TMEM260: variants seen among roughly 807,000 people sequenced by gnomAD.
TMEM260 encodes protein O-mannosyl-transferase TMEM260.
TMEM260 carries 82 observed loss-of-function variants against 88.9 expected under a neutral mutation model. The observed-to-expected ratio is 0.92, with a 90% CI of 0.77 to 1.11. The LOEUF (loss-of-function observed/expected upper bound fraction) is 1.11, where lower values mean the gene tolerates loss of function less well. Among genes scored for constraint, TMEM260 ranks in the 50% least tolerant of loss-of-function variants. The pLI is 0.00. For synonymous variants in TMEM260, 314 were observed against 309.3 expected (o/e 1.02, Z -0.16); for missense variants, 902 against 853.4 (o/e 1.06, Z -0.71).
At chr14:56,588,218 G>A (rs1161402071) in intron 3 of TMEM260, among the ~76,000 whole-genome samples, 1 of 152,024 alleles carries the variant, frequency 6.6e-6, no homozygotes, top group Non-Finnish European at 1.5e-5. Context: ...TCACTTAAGA[G>A]ACCATTACTG....
downstream of TMEM260, among the ~76,000 whole-genome samples, chr14:56,651,369 T>G (rs1890203868): frequency 6.6e-6 from 1 of 151,984 alleles, no homozygotes; most frequent in Non-Finnish European, 1.5e-5. Context: ...GTAACATACA[T>G]TTGATGGAAA....
intron 15 of TMEM260, among the ~76,000 whole-genome samples, chr14:56,641,934 A>G (rs1214021104): frequency 6.6e-6 from 1 of 152,218 alleles, no homozygotes; most frequent in African/African-American, 2.4e-5. Flanking sequence ...CATAATAGTA[A>G]AGGGATCAAT....
rs926342222 is a variant in TMEM260, at chr14:56,648,223, T to G, written c.*726T>G. 2.6e-5 allele frequency: 4 copies of G among 152,024 alleles called. No homozygotes were observed. Among genetic ancestry groups the G allele is most frequent in the Non-Finnish European group, 5.9e-5 (4 of 68,002 alleles). The allele number at this position is 152,024 out of a possible 1,614,324, so 9.4% of individuals were successfully genotyped here. A position where few individuals can be genotyped will look rare whatever the true frequency, so the allele number is the denominator to read the frequency against. Reference sequence around the variant, plus strand: ...TCAGAGATCTAGACCCAATAATTAGTAGGCTCCTGCTGCCAAAATGCAAAG... The same window carrying G: ...TCAGAGATCTAGACCCAATAATTAGGAGGCTCCTGCTGCCAAAATGCAAAG... On this transcript the variant is annotated 3_prime_UTR_variant, in exon 16 of 16. Coordinates refer to ENST00000261556, the MANE Select transcript of TMEM260 (RefSeq NM_017799.4).
intron 15 of TMEM260, 60 bp from the exon 16 acceptor site, chr14:56,647,183 T>C: frequency 2.0e-6 from 3 of 1,530,744 alleles, no homozygotes; most frequent in Non-Finnish European, 2.6e-6. Context: ...TTTTTTTGTT[T>C]TTGAAAAAAA....
At position 56,616,018 on chromosome 14, in the gene TMEM260, T is replaced by C. The variant is rs1887574402; in HGVS notation, c.932T>C (p.Leu311Ser). ...CTTGCAGTTTGTGCAAATATATGTTTAGCAACAAAGTAAGTAATACAATTC... is the reference window on the plus strand; with the variant it reads ...CTTGCAGTTTGTGCAAATATATGTTCAGCAACAAAGTAAGTAATACAATTC... ...QALAVCANIC[L>S]ATKDRQNPSL... Residue 311 changes from leucine (L) to serine (S), a missense_variant, in exon 8 of 16, where the codon TTA becomes TCA. Transcript: ENST00000261556. 5 of 1,608,982 alleles carry C rather than the reference T, an allele frequency of 3.1e-6. No individual in the cohort carries two copies. The highest frequency in any genetic ancestry group is 4.3e-6 in the Non-Finnish European group (5 of 1,175,638).
At chr14:56,626,626 T>C (rs1210179307) in intron 12 of TMEM260, among the ~76,000 whole-genome samples, 1 of 152,208 alleles carries the variant, frequency 6.6e-6, no homozygotes, top group Non-Finnish European at 1.5e-5. Flanking sequence ...AGGTGTTTAC[T>C]GAATAGATAG....
intron 10 of TMEM260, among the ~76,000 whole-genome samples, chr14:56,620,724 C>T (rs755338987): frequency 6.6e-6 from 1 of 152,108 alleles, no homozygotes; most frequent in African/African-American, 2.4e-5. Context: ...TTTTGTGATA[C>T]CCCAGATATT....
At chr14:56,659,157 A>G in the TMEM260 span, among the ~76,000 whole-genome samples, 1 of 152,140 alleles carries the variant, frequency 6.6e-6, no homozygotes, top group South Asian at 2.1e-4. Context: ...AGGTGAGTGA[A>G]GTTGGATGAA....
chr14:56,583,257 A>G (rs768932892), intron 1 of TMEM260, among the ~76,000 whole-genome samples: 2 of 152,324 alleles, frequency 1.3e-5, no homozygotes, highest in South Asian at 4.1e-4. Context: ...TTGTGAGACC[A>G]TAAACTATTT....
At chr14:56,628,836 GAT>G (rs755892211) in intron 12 of TMEM260, among the ~76,000 whole-genome samples, 72 of 150,990 alleles carry the variant, frequency 4.8e-4, no homozygotes, top group Non-Finnish European at 7.4e-4. Flanking sequence ...TATAAATATT[GAT>G]ATGTTTAGAT....
chr14:56,623,837 A>G (rs1205436799), intron 11 of TMEM260, among the ~76,000 whole-genome samples: 4 of 152,244 alleles, frequency 2.6e-5, no homozygotes, highest in Non-Finnish European at 4.4e-5. Flanking sequence ...AATGTCTTAC[A>G]TAAGACAAGT....
At chr14:56,638,644 GC>G (rs1889316232) in intron 15 of TMEM260, among the ~76,000 whole-genome samples, 1 of 152,008 alleles carries the variant, frequency 6.6e-6, no homozygotes. Flanking sequence ...GACAAATGAG[GC>G]CAATTACTTC....
In TMEM260 at chr14:56,624,452, C is replaced by A. The variant is rs1347203859; in HGVS notation, c.1399-930C>A. ...ATTCTGGTGTAGTGTCATGTGCCTG[C>A]AATCTCAGCTACTTGGGAGGCTTAG... is the stretch of plus-strand genomic sequence containing the variant. On this transcript the variant is annotated intron_variant, in intron 11 of 15. Transcript: ENST00000261556. 2.6e-5 allele frequency among the ~76,000 whole-genome samples: 4 copies of A among 152,286 alleles called. No homozygotes were observed. In the East Asian group the frequency reaches 7.7e-4, roughly 29 times the overall value.
At chr14:56,596,210 A>G (rs986364820) in intron 3 of TMEM260, among the ~76,000 whole-genome samples, 48 of 152,024 alleles carry the variant, frequency 3.2e-4, no homozygotes, top group Non-Finnish European at 7.4e-5. Flanking sequence ...TTTATCAAGC[A>G]TTATTTGAAA....
chr14:56,661,367 G>A, the TMEM260 span, among the ~76,000 whole-genome samples: 1 of 152,200 alleles, frequency 6.6e-6, no homozygotes, highest in Non-Finnish European at 1.5e-5. Context: ...AACCAGGAAT[G>A]CCCTCGGTGG....
chr14:56,611,502 C>T (rs1411094267), intron 6 of TMEM260, among the ~76,000 whole-genome samples: 3 of 152,140 alleles, frequency 2.0e-5, no homozygotes, highest in Non-Finnish European at 4.4e-5. Context: ...TACCATCTCA[C>T]ACAAGTCAGA....
chr14:56,621,542 A>C lies in TMEM260; in HGVS notation c.1238A>C (p.Gln413Pro). The C allele has an allele frequency of 1.2e-6, 2 of 1,603,982 alleles. No individual in the cohort carries two copies. The highest frequency in any genetic ancestry group is 1.7e-6 in the Non-Finnish European group (2 of 1,176,308). The change falls in exon 11 of 16, where the codon CAA (glutamine) becomes CCA (proline). Residue 413 changes from glutamine (Q) to proline (P), a missense_variant. By Grantham distance (76) the Gln-to-Pro change is moderately conservative. Transcript: ENST00000261556. ...ATCCTTTTATTTAGTGTTTGTGACC[A>C]AAGGACCAACTATGTGATTGATAAG... Reference protein sequence around the residue: ...QIYSNYSVCDQRTNYVIDKFA... With the variant: ...QIYSNYSVCDPRTNYVIDKFA...
chr14:56,617,104 ATAGTT>A (rs1333061112), intron 8 of TMEM260, 74 bp from the exon 9 acceptor site: 11 of 835,382 alleles, frequency 1.3e-5, no homozygotes, highest in Non-Finnish European at 1.6e-5. Context: ...TATAGATCTA[ATAGTT>A]TAAAGTCCTG....
chr14:56,584,655 T>G (rs1443111082), intron 1 of TMEM260, among the ~76,000 whole-genome samples: 1 of 152,184 alleles, frequency 6.6e-6, no homozygotes, highest in East Asian at 1.9e-4. Flanking sequence ...ACTTTCGTGC[T>G]AATTTCTTGA....
Sources: allele counts gnomAD v4.1 joint callset (sites outside exome capture counted in the v4.1 genomes callset), GRCh38; gene constraint gnomAD v4.1.1; transcripts MANE v1.5; gene names NCBI Gene and HGNC (gene_info 2026-07-23, HGNC 2026-07-21).